TSHZ2: variants seen among roughly 807,000 people sequenced by gnomAD.
TSHZ2 encodes teashirt zinc finger homeobox 2, also known as teashirt homolog 2.
A neutral mutation model predicts 74.4 loss-of-function variants in TSHZ2; 21 were observed. The observed-to-expected ratio is 0.28, with a 90% CI of 0.20 to 0.41. The LOEUF is 0.41. Among genes scored for constraint, TSHZ2 ranks in the 10% least tolerant of loss-of-function variants. The pLI, the probability that TSHZ2 is intolerant of heterozygous loss-of-function variation, is 1.00. For synonymous variants in TSHZ2, 540 were observed against 515.3 expected (o/e 1.05, Z -0.65); for missense variants, 1,244 against 1,293.5 (o/e 0.96, Z 0.59).
At chr20:53,043,325 A>G (rs187766442) in intron 1 of TSHZ2, among the ~76,000 whole-genome samples, 2 of 152,094 alleles carry the variant, frequency 1.3e-5, no homozygotes, top group Non-Finnish European at 2.9e-5. Flanking sequence ...ACATTACCAA[A>G]TGTCCCCGTT....
chr20:53,362,249 A>G (rs1238267638), intron 2 of TSHZ2, among the ~76,000 whole-genome samples: 1 of 148,776 alleles, frequency 6.7e-6, no homozygotes, highest in Non-Finnish European at 1.5e-5. Flanking sequence ...CAGTGGCAGG[A>G]TCTCGGCTCA....
Position 53,114,115 on chromosome 20 carries a change from A to AG in TSHZ2, c.41-139383dup, listed in dbSNP as rs764190169. 1.2e-3 allele frequency among the ~76,000 whole-genome samples: 181 copies of AG among 151,698 alleles called. 1 individual carries two copies. The highest frequency in any genetic ancestry group is 0.01 in the Middle Eastern group (3 of 294). On this transcript the variant is annotated intron_variant, in intron 1 of 2. Transcript: ENST00000371497. ...TCTCTTATGAAAAAAAAAAAAAGAA[A>AG]GAAAAAAAAAATGGTCCATACACAT...
chr20:53,447,707 T>C (rs1306678677), intron 2 of TSHZ2, among the ~76,000 whole-genome samples: 5 of 152,220 alleles, frequency 3.3e-5, no homozygotes, highest in African/African-American at 1.2e-4. Flanking sequence ...GGTGATTTTG[T>C]GAAATGTCTC....
chr20:53,227,463 AACACACACACACAC>A (rs10574252), intron 1 of TSHZ2, among the ~76,000 whole-genome samples: 7 of 146,668 alleles, frequency 4.8e-5, no homozygotes, highest in African/African-American at 1.0e-4. Flanking sequence ...TGGGGAGGAA[AACACACACACACAC>A]ACACACACAC....
chr20:53,169,294 G>C (rs1166094842), intron 1 of TSHZ2, among the ~76,000 whole-genome samples: 2 of 152,142 alleles, frequency 1.3e-5, no homozygotes, highest in African/African-American at 4.8e-5. Context: ...CCTCCAATCT[G>C]GTAAACTCTC....
At chr20:53,436,534 T>C (rs1465772296) in intron 2 of TSHZ2, among the ~76,000 whole-genome samples, 2 of 104,438 alleles carry the variant, frequency 1.9e-5, no homozygotes, top group African/African-American at 4.1e-5. Context: ...TTTATTATTA[T>C]TATTATTATT....
chr20:53,080,363 G>A (rs1458464102), intron 1 of TSHZ2, among the ~76,000 whole-genome samples: 1 of 152,162 alleles, frequency 6.6e-6, no homozygotes, highest in East Asian at 1.9e-4. Context: ...CTCTTTACAG[G>A]AAATGATATT....
chr20:53,365,190 A>C (rs1367964475), intron 2 of TSHZ2, among the ~76,000 whole-genome samples: 1 of 152,246 alleles, frequency 6.6e-6, no homozygotes, highest in Non-Finnish European at 1.5e-5. Context: ...AGAATGAAGG[A>C]AACTTTTGTC....
chr20:52,974,999 C>G (rs1981275403), intron 1 of TSHZ2, among the ~76,000 whole-genome samples: 1 of 152,178 alleles, frequency 6.6e-6, no homozygotes, highest in African/African-American at 2.4e-5. Flanking sequence ...AAAACAATGT[C>G]TCTTTCCTAC....
chr20:53,331,618 G>A (rs1291114261), intron 2 of TSHZ2, among the ~76,000 whole-genome samples: 1 of 152,174 alleles, frequency 6.6e-6, no homozygotes, highest in Non-Finnish European at 1.5e-5. Flanking sequence ...GTGTGTGGGA[G>A]AAGTGACCAC....
At chr20:53,120,425 A>T (rs1487685765) in intron 1 of TSHZ2, among the ~76,000 whole-genome samples, 1 of 152,206 alleles carries the variant, frequency 6.6e-6, no homozygotes, top group Admixed American at 6.5e-5. Flanking sequence ...AAAAAAGTTT[A>T]TGAAAGTTCT....
intron 1 of TSHZ2, among the ~76,000 whole-genome samples, chr20:53,027,663 T>A (rs1600653504): frequency 6.6e-6 from 1 of 152,010 alleles, no homozygotes; most frequent in South Asian, 2.1e-4. Flanking sequence ...CCCTGCTGGG[T>A]GCAGGGGATC....
At chr20:53,287,464 C>G (rs528055405) in intron 2 of TSHZ2, among the ~76,000 whole-genome samples, 1 of 152,190 alleles carries the variant, frequency 6.6e-6, no homozygotes, top group Non-Finnish European at 1.5e-5. Context: ...GATTGCAATA[C>G]AAGTGCAGTA....
intron 2 of TSHZ2, among the ~76,000 whole-genome samples, chr20:53,303,132 C>G (rs915038720): frequency 6.6e-6 from 1 of 152,202 alleles, no homozygotes; most frequent in African/African-American, 2.4e-5. Context: ...TCAGTACACA[C>G]AGGCAACAGT....
intron 2 of TSHZ2, among the ~76,000 whole-genome samples, chr20:53,402,846 C>T (rs1395486204): frequency 6.6e-6 from 1 of 152,206 alleles, no homozygotes; most frequent in African/African-American, 2.4e-5. Context: ...GAGGGTTGCA[C>T]TCAGCCACAT....
intron 1 of TSHZ2, among the ~76,000 whole-genome samples, chr20:52,976,865 G>A (rs1981358448): frequency 6.6e-6 from 1 of 152,172 alleles, no homozygotes; most frequent in African/African-American, 2.4e-5. Flanking sequence ...GACTCTTAAA[G>A]GCTTTCTGAT....
chr20:52,986,326 C>T lies in TSHZ2; in HGVS notation c.40+12993C>T, dbSNP rs145245605. Among the ~76,000 whole-genome samples, 568 of 149,572 alleles carry T rather than the reference C, an allele frequency of 3.8e-3. 4 individuals carry two copies. Among genetic ancestry groups the T allele is most frequent in the African/African-American group, 0.013 (536 of 40,574 alleles). On this transcript the variant is annotated intron_variant, in intron 1 of 2. Transcript: ENST00000371497. ...CTGAAGCAGGAGAATTGCTTGAACCCGGGAGGCGGAGGTTGCAGTGAGAGC... is the reference window on the plus strand; with the variant it reads ...CTGAAGCAGGAGAATTGCTTGAACCTGGGAGGCGGAGGTTGCAGTGAGAGC...
chr20:53,183,786 G>C (rs2123519177), intron 1 of TSHZ2, among the ~76,000 whole-genome samples: 1 of 152,300 alleles, frequency 6.6e-6, no homozygotes, highest in Non-Finnish European at 1.5e-5. Flanking sequence ...GTCTTTTTAA[G>C]TTTTTATTTT....
chr20:53,176,755 C>T (rs868240545), intron 1 of TSHZ2, among the ~76,000 whole-genome samples: 3 of 150,172 alleles, frequency 2.0e-5, no homozygotes, highest in South Asian at 2.1e-4. Context: ...GGTGCAATCT[C>T]GGCTCACTGC....
Sources: allele counts gnomAD v4.1 joint callset (sites outside exome capture counted in the v4.1 genomes callset), GRCh38; gene constraint gnomAD v4.1.1; transcripts MANE v1.5; gene names NCBI Gene and HGNC (gene_info 2026-07-23, HGNC 2026-07-21).